C6: variants seen among roughly 807,000 people sequenced by gnomAD.
C6 encodes the protein complement component C6.
A neutral mutation model predicts 112.9 loss-of-function variants in C6; 101 were observed. The ratio of observed to expected loss-of-function variants is 0.89; its 90% CI spans 0.76 to 1.06. The LOEUF is 1.06. Ranked by LOEUF, C6 falls within the 50% of genes least tolerant of loss-of-function variation. The pLI, the probability that C6 is intolerant of heterozygous loss-of-function variation, is 0.00. For synonymous variants in C6, 431 were observed against 384.1 expected (o/e 1.12, Z -1.43); for missense variants, 1,202 against 1,104.6 (o/e 1.09, Z -1.25).
chr5:41,254,829 G>A lies in C6; in HGVS notation c.-21+6365C>T, dbSNP rs575051844. On this transcript the variant is annotated intron_variant, in intron 1 of 17. Coordinates refer to the C6 transcript ENST00000263413. ...CAGGAAGCACACAGTGACTAGTCCTGCAAGAGTTTATGTGACTTCTGCTAC... is the reference window on the plus strand; with the variant it reads ...CAGGAAGCACACAGTGACTAGTCCTACAAGAGTTTATGTGACTTCTGCTAC... 2.9e-4 allele frequency among the ~76,000 whole-genome samples: 44 copies of A among 152,326 alleles called. 1 individual carries two copies. The highest frequency in any genetic ancestry group is 1.5e-3 in the South Asian group (7 of 4,826).
In C6 at chr5:41,149,283, A is replaced by T; in HGVS notation, c.2581T>A (p.Ser861Thr). The T allele has an allele frequency of 6.2e-7, 1 of 1,614,058 alleles. No individual in the cohort carries two copies. The highest frequency in any genetic ancestry group is 8.5e-7 in the Non-Finnish European group (1 of 1,179,958). ...RLSSNSTKKE[S>T]CGYDTCYDWE... Reference sequence around the variant, plus strand: ...TCATAGCAGGTGTCATAGCCACAGGATTCTTTCTTTGTGCTGTTGGATGAA... The same window carrying T: ...TCATAGCAGGTGTCATAGCCACAGGTTTCTTTCTTTGTGCTGTTGGATGAA... Residue 861 changes from serine to threonine, a missense_variant, in exon 17 of 18, where the codon TCC (serine) becomes ACC (threonine). Coordinates refer to ENST00000337836, the MANE Select transcript of C6 (RefSeq NM_000065.5).
upstream of C6, among the ~76,000 whole-genome samples, chr5:41,217,285 A>G (rs1046670191): frequency 6.6e-6 from 1 of 152,146 alleles, no homozygotes; most frequent in African/African-American, 2.4e-5. Context: ...GCCGGATATT[A>G]TGATCATTGT....
intron 8 of C6, among the ~76,000 whole-genome samples, chr5:41,174,003 CT>C: frequency 6.6e-6 from 1 of 152,158 alleles, no homozygotes; most frequent in African/African-American, 2.4e-5. Context: ...TGCATGACTC[CT>C]TTTCTTAACC....
At chr5:41,189,410 G>A (rs1750027626) in intron 5 of C6, among the ~76,000 whole-genome samples, 1 of 151,964 alleles carries the variant, frequency 6.6e-6, no homozygotes, top group African/African-American at 2.4e-5. Context: ...AACACAATGT[G>A]ATAGAATGAT....
chr5:41,254,751 A>G (rs1046911054), intron 1 of C6, among the ~76,000 whole-genome samples: 3 of 152,266 alleles, frequency 2.0e-5, no homozygotes, highest in Non-Finnish European at 4.4e-5. Context: ...ACAACATTTT[A>G]TCTTTATAAA....
Position 41,260,996 on chromosome 5 carries a change from CAA to C in C6, c.-21+196_-21+197del, listed in dbSNP as rs535942391. ...AAATGTGAAATCTCCATTGACTTCA[CAA>C]AGACATTGTCACACAGCAATCACAT... On this transcript the variant is annotated intron_variant, in intron 1 of 17. Coordinates refer to the C6 transcript ENST00000263413. Among the ~76,000 whole-genome samples the C allele has an allele frequency of 4.3e-3, 651 of 152,266 alleles. 1 individual carries two copies. The highest frequency in any genetic ancestry group is 7.2e-3 in the Non-Finnish European group (489 of 68,016).
intron 5 of C6, among the ~76,000 whole-genome samples, chr5:41,191,133 C>CAGG: frequency 6.9e-6 from 1 of 144,510 alleles, no homozygotes; most frequent in South Asian, 2.2e-4. Context: ...GTGGCACGAC[C>CAGG]TCTGCTCACT....
chr5:41,178,668 G>A (rs994002413), intron 7 of C6, among the ~76,000 whole-genome samples: 5 of 151,420 alleles, frequency 3.3e-5, no homozygotes, highest in African/African-American at 1.2e-4. Context: ...TAGATACAGG[G>A]TTTCACCATG....
intron 1 of C6, among the ~76,000 whole-genome samples, chr5:41,235,220 T>TC (rs1208125614): frequency 1.1e-5 from 1 of 90,254 alleles, no homozygotes; most frequent in Non-Finnish European, 2.1e-5. Flanking sequence ...ATGCTATCCC[T>TC]CCCCCCTCCC....
At chr5:41,252,272 A>G (rs954498974) in intron 1 of C6, among the ~76,000 whole-genome samples, 10 of 152,226 alleles carry the variant, frequency 6.6e-5, no homozygotes, top group Non-Finnish European at 1.5e-4. Context: ...TAAGCCAAAA[A>G]TTAAATTCTT....
chr5:41,256,194 G>C (rs1257247910), intron 1 of C6, among the ~76,000 whole-genome samples: 1 of 151,868 alleles, frequency 6.6e-6, no homozygotes, highest in African/African-American at 2.4e-5. Context: ...ATCATTGTTG[G>C]ACATTTGGGT....
intron 17 of C6, among the ~76,000 whole-genome samples, chr5:41,144,193 G>A (rs748457975): frequency 1.3e-4 from 19 of 151,936 alleles, no homozygotes; most frequent in Non-Finnish European, 1.8e-4. Context: ...CTCCCCATAC[G>A]TCCAGTTTCT....
chr5:41,234,304 T>A (rs1250723201), intron 1 of C6, among the ~76,000 whole-genome samples: 4 of 151,804 alleles, frequency 2.6e-5, no homozygotes, highest in Non-Finnish European at 5.9e-5. Context: ...CCTAGAATAT[T>A]CCAGTGTGGG....
chr5:41,152,122 A>C (rs1746460775), intron 15 of C6, among the ~76,000 whole-genome samples: 1 of 152,224 alleles, frequency 6.6e-6, no homozygotes, highest in South Asian at 2.1e-4. Context: ...TAACGGATTT[A>C]TAATAAAGGG....
intron 1 of C6, among the ~76,000 whole-genome samples, chr5:41,212,052 A>T (rs1389551731): frequency 6.6e-6 from 1 of 152,198 alleles, no homozygotes; most frequent in Non-Finnish European, 1.5e-5. Context: ...AGATGGTAAC[A>T]TTAAAACTTA....
chr5:41,248,478 C>G (rs1190280803), intron 1 of C6, among the ~76,000 whole-genome samples: 1 of 152,030 alleles, frequency 6.6e-6, no homozygotes, highest in Non-Finnish European at 1.5e-5. Flanking sequence ...ATTGAAGGAG[C>G]AAAGAACAAA....
chr5:41,143,654 G>A (rs1423414), intron 17 of C6, among the ~76,000 whole-genome samples: 51,114 of 152,036 alleles, frequency 0.34, 8,876 homozygotes, highest in African/African-American at 0.41. Flanking sequence ...AGCCCTTTGC[G>A]CATTGCCACA....
chr5:41,162,392 A>G (rs1440025643), intron 9 of C6, among the ~76,000 whole-genome samples: 1 of 152,222 alleles, frequency 6.6e-6, no homozygotes, highest in Non-Finnish European at 1.5e-5. Context: ...CAGGGAAAAA[A>G]TGGTGGAATG....
At chr5:41,224,600 A>T (rs1331001500) in intron 1 of C6, among the ~76,000 whole-genome samples, 1 of 152,044 alleles carries the variant, frequency 6.6e-6, no homozygotes, top group Non-Finnish European at 1.5e-5. Flanking sequence ...TTTATTGCTG[A>T]ATAACACTCT....
Sources: allele counts gnomAD v4.1 joint callset (sites outside exome capture counted in the v4.1 genomes callset), GRCh38; gene constraint gnomAD v4.1.1; transcripts MANE v1.5; gene names NCBI Gene and HGNC (gene_info 2026-07-23, HGNC 2026-07-21).